GRN: variants seen among roughly 807,000 people sequenced by gnomAD.
GRN encodes the protein granulin precursor, also known as progranulin.
In GRN, 30 loss-of-function variants were observed where a neutral mutation model predicts 66.7. The ratio of observed to expected loss-of-function variants is 0.45; its 90% CI spans 0.34 to 0.61. The LOEUF (loss-of-function observed/expected upper bound fraction) is 0.61, where lower values mean the gene tolerates loss of function less well. Ranked by LOEUF, GRN falls within the 20% of genes least tolerant of loss-of-function variation. GRN has a pLI of 0.01. For synonymous variants in GRN, 327 were observed against 311.1 expected, an observed-to-expected ratio of 1.05 and a Z score of -0.54; for missense variants, 731 against 803.5, an observed-to-expected ratio of 0.91 and a Z score of 1.09.
intron 1 of GRN, among the ~76,000 whole-genome samples, chr17:44,347,179 G>A (rs2048332036): frequency 6.6e-6 from 1 of 152,062 alleles, no homozygotes; most frequent in South Asian, 2.1e-4. Flanking sequence ...GAATTGTTTA[G>A]GGAATAATAA....
intron 1 of GRN, chr17:44,346,296 T>A (rs1397832936): frequency 6.6e-6 from 1 of 152,276 alleles, no homozygotes; most frequent in Non-Finnish European, 1.5e-5. Flanking sequence ...ACTTCATCCT[T>A]ATCTGTCCAG....
chr17:44,349,979 G>A (rs761610200), intron 4 of GRN: 21 of 639,026 alleles, frequency 3.3e-5, no homozygotes, highest in South Asian at 1.4e-4. Flanking sequence ...GGTGGGGAGA[G>A]GTCGAGCTGG....
Position 44,349,321 on chromosome 17 carries a change from A to G in GRN, c.138+19A>G, listed in dbSNP as rs750517180. The G allele has an allele frequency of 1.9e-6, 3 of 1,613,996 alleles. No homozygotes were observed. The Admixed American group carries it at 5.0e-5, about 27-fold the overall frequency. ...CCTTCTGGTGAGTGCCCCTCAGCCT[A>G]GGCAAGAGCTGGCAGCCTGGGTTTT... On this transcript the variant is annotated intron_variant, in intron 2 of 12. Coordinates refer to ENST00000053867, the MANE Select transcript of GRN (RefSeq NM_002087.4).
At chr17:44,349,925 G>A (rs1043608301) in intron 4 of GRN, 174 bp downstream of exon 4, 43 of 647,424 alleles carry the variant, frequency 6.6e-5, no homozygotes, top group South Asian at 7.2e-5. Context: ...GGGGATAGGA[G>A]GGTGCGGGAG....
rs141111290 is a variant in GRN at position 44,352,482 on chromosome 17, G to C, written c.1555G>C (p.Val519Leu). Reference protein sequence around the residue: ...ARSPHVGVKDVECGEGHFCHD... With the variant: ...ARSPHVGVKDLECGEGHFCHD... ...TAGCCCTCACGTGGGTGTGAAGGACGTGGAGTGTGGGGAAGGACACTTCTG... is the reference window on the plus strand; with the variant it reads ...TAGCCCTCACGTGGGTGTGAAGGACCTGGAGTGTGGGGAAGGACACTTCTG... The change falls in exon 12 of 13, where the codon GTG becomes CTG. Residue 519 changes from valine to leucine, a missense_variant. Transcript: ENST00000053867. 5 of 1,613,902 alleles carry C rather than the reference G, an allele frequency of 3.1e-6. No homozygotes were observed. The highest frequency in any genetic ancestry group is 1.1e-5 in the South Asian group (1 of 91,092).
rs777482964 is a variant in GRN, at chr17:44,352,643, C to A, written c.1645-18C>A. 6.2e-7 allele frequency: 1 copy of A among 1,609,884 alleles called. No homozygotes were observed. Among genetic ancestry groups the A allele is most frequent in the African/African-American group, 1.3e-5 (1 of 74,932 alleles). On this transcript the variant is annotated intron_variant, in intron 12 of 12. Coordinates refer to ENST00000053867, the MANE Select transcript of GRN (RefSeq NM_002087.4). Reference sequence around the variant, plus strand: ...GTCCCACCTCGTCCAACCCTCTCGCCCCCCTCTGACCATCCAGGGCGTCTG... The same window carrying A: ...GTCCCACCTCGTCCAACCCTCTCGCACCCCTCTGACCATCCAGGGCGTCTG...
chr17:44,349,305 G>A lies in GRN; in HGVS notation c.138+3G>A, dbSNP rs776079826. 1 of 1,613,952 alleles carries A rather than the reference G, an allele frequency of 6.2e-7. No homozygotes were observed. Among genetic ancestry groups the A allele is most frequent in the South Asian group, 1.1e-5 (1 of 91,090 alleles). ...ACAGCTGCTGCCGTCCCCTTCTGGT[G>A]AGTGCCCCTCAGCCTAGGCAAGAGC... On this transcript the variant is annotated splice_donor_region_variant and intron_variant, in intron 2 of 12. Coordinates refer to ENST00000053867, the MANE Select transcript of GRN (RefSeq NM_002087.4).
rs529937568 is a variant in GRN at position 44,350,552 on chromosome 17, C to T, written c.573C>T (p.Leu191=). 1.9e-6 allele frequency: 3 copies of T among 1,613,932 alleles called. No individual in the cohort carries two copies. The highest frequency in any genetic ancestry group is 2.2e-5 in the East Asian group (1 of 44,882). Reference sequence around the variant, plus strand: ...GCACCCACCCCCTGGCAAAGAAGCTCCCTGCCCAGAGGACTAACAGGGCAG... The same window carrying T: ...GCACCCACCCCCTGGCAAAGAAGCTTCCTGCCCAGAGGACTAACAGGGCAG... ...PTGTHPLAKK[L]PAQRTNRAVA... is the part of the protein sequence containing the mutation. The change falls in exon 6 of 13, where the codon CTC becomes CTT. Residue 191 remains leucine (L), a synonymous_variant. Coordinates refer to ENST00000053867, the MANE Select transcript of GRN (RefSeq NM_002087.4).
At chr17:44,347,357 C>G (rs1393597221) in intron 1 of GRN, among the ~76,000 whole-genome samples, 2 of 152,050 alleles carry the variant, frequency 1.3e-5, no homozygotes, top group African/African-American at 4.8e-5. Context: ...GGCGTGATCT[C>G]TGCTCACTGC....
Position 44,353,051 on chromosome 17 carries a change from G to C in GRN, c.*253G>C, listed in dbSNP as rs2048394752. On this transcript the variant is annotated 3_prime_UTR_variant, in exon 13 of 13. Transcript: ENST00000053867. Reference sequence around the variant, plus strand: ...GGCCAGGTGCTTTTCCCTATCCACAGGGGTGTTTGTGTGTGTGCGCGTGTG... The same window carrying C: ...GGCCAGGTGCTTTTCCCTATCCACACGGGTGTTTGTGTGTGTGCGCGTGTG... 1 of 594,226 alleles carries C rather than the reference G, an allele frequency of 1.7e-6. No homozygotes were observed. The highest frequency in any genetic ancestry group is 3.0e-6 in the Non-Finnish European group (1 of 332,774). 36.8% of individuals were successfully genotyped at this position (594,226 alleles called of 1,614,324 possible).
intron 8 of GRN, 24 bp downstream of exon 8, chr17:44,351,187 C>T (rs754715236): frequency 2.5e-6 from 4 of 1,614,016 alleles, no homozygotes; most frequent in South Asian, 1.1e-5. Flanking sequence ...GGTGCAGATA[C>T]AGGGGTGGGG....
Position 44,352,644 on chromosome 17 carries a change from C to A in GRN, c.1645-17C>A. 1 of 1,610,054 alleles carries A rather than the reference C, an allele frequency of 6.2e-7. No individual in the cohort carries two copies. The highest frequency in any genetic ancestry group is 8.5e-7 in the Non-Finnish European group (1 of 1,180,002). On this transcript the variant is annotated splice_polypyrimidine_tract_variant and intron_variant, in intron 12 of 12. Coordinates refer to ENST00000053867, the MANE Select transcript of GRN (RefSeq NM_002087.4). Reference sequence around the variant, plus strand: ...TCCCACCTCGTCCAACCCTCTCGCCCCCCTCTGACCATCCAGGGCGTCTGT... The same window carrying A: ...TCCCACCTCGTCCAACCCTCTCGCCACCCTCTGACCATCCAGGGCGTCTGT...
chr17:44,349,992 C>T (rs1351556485), intron 4 of GRN: 21 of 640,810 alleles, frequency 3.3e-5, no homozygotes, highest in African/African-American at 1.1e-4. Context: ...CGAGCTGGGC[C>T]GGTCTAATAC....
At position 44,349,725 on chromosome 17, in the gene GRN, A is replaced by G; in HGVS notation, c.323A>G (p.Asp108Gly). Reference sequence around the variant, plus strand: ...CCACGGGGCTTCCACTGCAGTGCAGACGGGCGATCCTGCTTCCAAAGATCA... The same window carrying G: ...CCACGGGGCTTCCACTGCAGTGCAGGCGGGCGATCCTGCTTCCAAAGATCA... ...CCPRGFHCSA[D>G]GRSCFQRSGN... Residue 108 changes from aspartate to glycine, a missense_variant, in exon 4 of 13, where the codon GAC becomes GGC. Physicochemically the swap from Asp to Gly is moderately conservative, Grantham distance 94. Around this residue, in one of 3 missense-constraint regions of GRN, gnomAD observed 370 missense variants for 379.8 expected, o/e 0.97. Coordinates refer to ENST00000053867, the MANE Select transcript of GRN (RefSeq NM_002087.4). 1 of 1,611,220 alleles carries G rather than the reference A, an allele frequency of 6.2e-7. No individual in the cohort carries two copies. The highest frequency in any genetic ancestry group is 8.5e-7 in the Non-Finnish European group (1 of 1,177,582).
chr17:44,352,300 GACAGGA>G (rs1567888344), intron 11 of GRN, 35 bp from the exon 12 acceptor site: 4 of 1,605,022 alleles, frequency 2.5e-6, no homozygotes, highest in Non-Finnish European at 3.4e-6. Flanking sequence ...CCAGTGAGGG[GACAGGA>G]ACATAATGCC....
intron 1 of GRN, among the ~76,000 whole-genome samples, chr17:44,347,191 A>G (rs2048332145): frequency 6.6e-6 from 1 of 152,218 alleles, no homozygotes. Context: ...GAATAATAAG[A>G]AAGAACTATC....
intron 1 of GRN, among the ~76,000 whole-genome samples, chr17:44,347,608 A>G (rs568710477): frequency 6.6e-6 from 1 of 151,536 alleles, no homozygotes; most frequent in Non-Finnish European, 1.5e-5. Flanking sequence ...CTGGTTGGAT[A>G]TGGAGGGCTG....
chr17:44,350,935 C>T (rs1438096473), intron 7 of GRN, 102 bp from the exon 8 acceptor site: 1 of 1,443,228 alleles, frequency 6.9e-7, no homozygotes, highest in Non-Finnish European at 9.7e-7. Context: ...GTTCATGCTA[C>T]CCCCTAGTGG....
rs146792371 is a variant in GRN, at chr17:44,349,678, C to T, written c.276C>T (p.Cys92=). 9.2e-5 allele frequency: 149 copies of T among 1,611,932 alleles called. No individual in the cohort carries two copies. The highest frequency in any genetic ancestry group is 6.3e-4 in the African/African-American group (47 of 74,900). The change falls in exon 4 of 13, where the codon TGC becomes TGT. Residue 92 remains cysteine, a synonymous_variant. Coordinates refer to ENST00000053867, the MANE Select transcript of GRN (RefSeq NM_002087.4). ...SCCPFPEAVA[C]GDGHHCCPRG... Reference sequence around the variant, plus strand: ...TCTGTGTTCCACAGGCCGTGGCATGCGGGGATGGCCATCACTGCTGCCCAC... The same window carrying T: ...TCTGTGTTCCACAGGCCGTGGCATGTGGGGATGGCCATCACTGCTGCCCAC...
Sources: gnomAD v4.1 joint callset for allele counts (sites outside exome capture counted in the v4.1 genomes callset) on GRCh38, gnomAD v4.1.1 for gene constraint, gnomAD v4.1.1 regional missense constraint, MANE v1.5 for transcripts, NCBI Gene and HGNC (gene_info 2026-07-23, HGNC 2026-07-21) for gene names.